Variants in NAV2 observed in about 807,000 individuals in gnomAD.
NAV2 encodes the protein helicase, APC down-regulated 1.
A neutral mutation model predicts 223.2 loss-of-function variants in NAV2; 54 were observed. The ratio of observed to expected loss-of-function variants is 0.24; its 90% confidence interval spans 0.19 to 0.30. The LOEUF (loss-of-function observed/expected upper bound fraction) is 0.30, where lower values mean the gene tolerates loss of function less well. NAV2 is among the 10% of genes least tolerant of loss of function. The pLI is 1.00. For missense variants in NAV2, 2,806 were observed against 3,147.5 expected (o/e 0.89, Z 2.60); for synonymous variants, 1,279 against 1,239.3 (o/e 1.03, Z -0.67).
intron 6 of NAV2, among the ~76,000 whole-genome samples, chr11:19,926,163 T>A (rs1017877075): frequency 1.4e-4 from 21 of 152,330 alleles, no homozygotes; most frequent in Admixed American, 7.2e-4. Context: ...AAACAACTTT[T>A]AAAAAACATT....
At chr11:19,781,545 A>G (rs1339095616) in intron 1 of NAV2, among the ~76,000 whole-genome samples, 1 of 151,984 alleles carries the variant, frequency 6.6e-6, no homozygotes, top group East Asian at 1.9e-4. Context: ...TGTGCCCCTG[A>G]CCTTTGACCT....
chr11:19,430,387 T>A (rs1850997934), intron 1 of NAV2, among the ~76,000 whole-genome samples: 1 of 152,164 alleles, frequency 6.6e-6, no homozygotes, highest in African/African-American at 2.4e-5. Context: ...TTCAGTCCCC[T>A]CTCGCATAGC....
At chr11:19,873,467 G>A (rs1237513114) in intron 4 of NAV2, among the ~76,000 whole-genome samples, 1 of 152,102 alleles carries the variant, frequency 6.6e-6, no homozygotes, top group Non-Finnish European at 1.5e-5. Context: ...ATATGATGGG[G>A]GGAAACCTTG....
intron 1 of NAV2, among the ~76,000 whole-genome samples, chr11:19,832,238 CTGCA>C (rs1198444227): frequency 2.0e-5 from 3 of 152,224 alleles, no homozygotes; most frequent in African/African-American, 7.2e-5. Context: ...ATTCAGCCCT[CTGCA>C]TGTTTTGAAG....
At chr11:19,726,868 A>G (rs2051296723) in intron 1 of NAV2, among the ~76,000 whole-genome samples, 1 of 152,154 alleles carries the variant, frequency 6.6e-6, no homozygotes, top group Non-Finnish European at 1.5e-5. Context: ...TATGCCCTCA[A>G]CCCCTTCAGA....
intron 1 of NAV2, among the ~76,000 whole-genome samples, chr11:19,679,286 CT>C (rs746594694): frequency 3.9e-5 from 6 of 152,108 alleles, no homozygotes; most frequent in Non-Finnish European, 8.8e-5. Context: ...CAAAATTTAT[CT>C]GGACGTGGTG....
intron 1 of NAV2, among the ~76,000 whole-genome samples, chr11:19,379,176 G>C (rs1348959623): frequency 6.6e-6 from 1 of 152,180 alleles, no homozygotes; most frequent in Non-Finnish European, 1.5e-5. Flanking sequence ...CTGGTGGTGA[G>C]GAGATTGGAA....
chr11:19,666,135 A>G (rs1316521158), intron 1 of NAV2, among the ~76,000 whole-genome samples: 1 of 152,242 alleles, frequency 6.6e-6, no homozygotes, highest in Non-Finnish European at 1.5e-5. Context: ...TCAAATAACA[A>G]AGAATCAGTG....
chr11:19,659,091 A>G (rs1223165998), intron 1 of NAV2, among the ~76,000 whole-genome samples: 2 of 152,260 alleles, frequency 1.3e-5, no homozygotes, highest in Non-Finnish European at 2.9e-5. Context: ...GATGGATAAT[A>G]TAAAGAAAAC....
At chr11:20,061,913 A>T (rs1187850258) in intron 19 of NAV2, among the ~76,000 whole-genome samples, 1 of 152,192 alleles carries the variant, frequency 6.6e-6, no homozygotes, top group East Asian at 1.9e-4. Context: ...AATACATTAG[A>T]AAAAAGAGTG....
chr11:19,586,728 G>T lies in NAV2; in HGVS notation c.75+235701G>T, dbSNP rs188871112. ...GAACAGCAAATGTTGCTGCCTGATCGTTCCTCTGGAAGTTTTGTCTCAGAG... is the reference window on the plus strand; with the variant it reads ...GAACAGCAAATGTTGCTGCCTGATCTTTCCTCTGGAAGTTTTGTCTCAGAG... On this transcript the variant is annotated intron_variant, in intron 1 of 37. Transcript: ENST00000360655. 2.5e-3 allele frequency among the ~76,000 whole-genome samples: 378 copies of T among 152,326 alleles called. 4 individuals carry two copies. The highest frequency in any genetic ancestry group is 8.8e-3 in the African/African-American group (367 of 41,574).
intron 1 of NAV2, among the ~76,000 whole-genome samples, chr11:19,786,473 T>C (rs2057127633): frequency 6.6e-6 from 1 of 152,220 alleles, no homozygotes; most frequent in African/African-American, 2.4e-5. Context: ...TAATGCAAAG[T>C]TGAATCACAT....
At chr11:19,981,996 T>A (rs1260126907) in intron 10 of NAV2, among the ~76,000 whole-genome samples, 1 of 147,062 alleles carries the variant, frequency 6.8e-6, no homozygotes, top group African/African-American at 2.4e-5. Context: ...CATGTGTTCA[T>A]TCATTCAACA....
Position 19,934,200 on chromosome 11 carries a change from C to T in NAV2, c.1956C>T (p.Thr652=), listed in dbSNP as rs147982444. The T allele has an allele frequency of 7.4e-6, 12 of 1,613,600 alleles. No homozygotes were observed. Among genetic ancestry groups the T allele is most frequent in the Admixed American group, 3.3e-5 (2 of 59,910 alleles). The part of the protein sequence containing the change: ...VGTTQTTGSN[T]VSVQLPQPQQ... The stretch of plus-strand genomic sequence containing the variant: ...CCACCCAGACCACAGGAAGCAATAC[C>T]GTCAGTGTTCAGCTACCTCAGCCCC... The change falls in exon 7 of 38, where the codon ACC becomes ACT. Residue 652 remains threonine, a synonymous_variant. Transcript: ENST00000349880.
chr11:19,353,255 G>C (rs1000408915), intron 1 of NAV2, among the ~76,000 whole-genome samples: 1 of 152,222 alleles, frequency 6.6e-6, no homozygotes, highest in Non-Finnish European at 1.5e-5. Context: ...AGACAAGGCA[G>C]AGGGCTAGCT....
chr11:19,878,990 G>GT (rs1326812679), intron 4 of NAV2, among the ~76,000 whole-genome samples: 2 of 152,118 alleles, frequency 1.3e-5, no homozygotes, highest in Non-Finnish European at 2.9e-5. Context: ...TGTTGAGTAA[G>GT]TTTGCCCCCA....
chr11:19,953,280 C>T (rs529411482), intron 10 of NAV2, among the ~76,000 whole-genome samples: 1 of 152,314 alleles, frequency 6.6e-6, no homozygotes, highest in South Asian at 2.1e-4. Context: ...TTCCCATTGC[C>T]TGTGGGAACA....
At chr11:20,017,646 C>G (rs752386112) in intron 11 of NAV2, among the ~76,000 whole-genome samples, 1 of 152,182 alleles carries the variant, frequency 6.6e-6, no homozygotes, top group Non-Finnish European at 1.5e-5. Flanking sequence ...AGTGTCCAGT[C>G]TAGTATCTGG....
At chr11:20,032,803 C>G (rs1382960477) in intron 11 of NAV2, among the ~76,000 whole-genome samples, 2 of 152,192 alleles carry the variant, frequency 1.3e-5, no homozygotes, top group East Asian at 3.9e-4. Context: ...GAGTTTGCAG[C>G]AGAAACTTGC....
Sources: gnomAD v4.1 joint callset for allele counts (sites outside exome capture counted in the v4.1 genomes callset) on GRCh38, gnomAD v4.1.1 for gene constraint, MANE v1.5 for transcripts, NCBI Gene and HGNC (gene_info 2026-07-23, HGNC 2026-07-21) for gene names.